Variants in EYS observed in about 807,000 individuals in gnomAD.
EYS encodes the protein EGF-like photoreceptor maintenance factor, also known as protein eyes shut homolog.
Under a neutral mutation model 282.1 loss-of-function variants are expected in EYS, and 250 were observed. That is an observed-to-expected ratio of 0.89 (90% CI 0.80 to 0.98). The LOEUF (loss-of-function observed/expected upper bound fraction) is 0.98, where lower values mean the gene tolerates loss of function less well. Ranked by LOEUF, EYS falls within the 50% of genes least tolerant of loss-of-function variation. The pLI, the probability that EYS is intolerant of heterozygous loss-of-function variation, is 0.00. For missense variants in EYS, 4,016 were observed against 3,709.0 expected (o/e 1.08, Z -2.15); for synonymous variants, 1,355 against 1,282.9 (o/e 1.06, Z -1.20).
At chr6:64,012,928 A>G (rs1736926817) in intron 33 of EYS, among the ~76,000 whole-genome samples, 1 of 152,142 alleles carries the variant, frequency 6.6e-6, no homozygotes, top group African/African-American at 2.4e-5. Flanking sequence ...GCTTTGTATA[A>G]AAAGCGCTCC....
intron 36 of EYS, among the ~76,000 whole-genome samples, chr6:63,817,809 G>T (rs1277665834): frequency 6.6e-6 from 1 of 152,180 alleles, no homozygotes; most frequent in Non-Finnish European, 1.5e-5. Context: ...CCCTGCAGTT[G>T]GTTGGATTCT....
chr6:64,708,135 AAC>A (rs1369715125), intron 22 of EYS, among the ~76,000 whole-genome samples: 1 of 152,232 alleles, frequency 6.6e-6, no homozygotes, highest in Admixed American at 6.5e-5. Flanking sequence ...AGATGTGAGT[AAC>A]ACGTATGCAG....
Position 64,175,252 on chromosome 6 carries a change from CAATA to C in EYS, c.6424+55336_6424+55339del, listed in dbSNP as rs1457889381. On this transcript the variant is annotated intron_variant, in intron 31 of 42. Coordinates refer to ENST00000503581, the MANE Select transcript of EYS (RefSeq NM_001142800.2). Reference sequence around the variant, plus strand: ...TATTATTAATTTACATTGATTTATTCAATAAATAAATAGTTATTTAATATCTCCT... The same window carrying C: ...TATTATTAATTTACATTGATTTATTCAATAAATAGTTATTTAATATCTCCT... Among the ~76,000 whole-genome samples, 3 of 152,156 alleles carry C rather than the reference CAATA, an allele frequency of 2.0e-5. No individual in the cohort carries two copies. The East Asian group carries it at 5.8e-4, about 29-fold the overall frequency.
intron 30 of EYS, among the ~76,000 whole-genome samples, chr6:64,267,693 T>C (rs1767807348): frequency 1.3e-5 from 2 of 152,124 alleles, no homozygotes; most frequent in Admixed American, 1.3e-4. Context: ...AAAACTTTAA[T>C]TTCTGTTTTG....
At chr6:63,734,059 G>C (rs59064329) in intron 41 of EYS, among the ~76,000 whole-genome samples, 5,908 of 152,230 alleles carry the variant, frequency 0.039, 398 homozygotes, top group African/African-American at 0.13. Flanking sequence ...TCATAAGTGG[G>C]AGCTAAACAT....
chr6:64,746,365 A>G (rs1772555843), intron 22 of EYS, among the ~76,000 whole-genome samples: 1 of 152,000 alleles, frequency 6.6e-6, no homozygotes, highest in Non-Finnish European at 1.5e-5. Flanking sequence ...GCCCTTCACC[A>G]TGAGATAATG....
chr6:65,211,841 ACT>A (rs1766183766), intron 12 of EYS, among the ~76,000 whole-genome samples: 1 of 151,980 alleles, frequency 6.6e-6, no homozygotes, highest in Non-Finnish European at 1.5e-5. Context: ...CTATTAATTC[ACT>A]CTGTCTTCCA....
intron 7 of EYS, among the ~76,000 whole-genome samples, chr6:65,399,138 T>C (rs1478306287): frequency 6.6e-6 from 1 of 152,014 alleles, no homozygotes; most frequent in South Asian, 2.1e-4. Flanking sequence ...ACACCTACAC[T>C]CTATTTAATA....
chr6:64,878,678 C>T (rs1168596455), intron 19 of EYS, among the ~76,000 whole-genome samples: 1 of 147,010 alleles, frequency 6.8e-6, no homozygotes, highest in African/African-American at 2.5e-5. Context: ...TCTTTAAGCA[C>T]ATGCATTTTT....
chr6:65,485,369 C>A (rs73447210), intron 5 of EYS, among the ~76,000 whole-genome samples: 3 of 152,200 alleles, frequency 2.0e-5, no homozygotes, highest in African/African-American at 7.2e-5. Context: ...CTGTGAAGCA[C>A]GTCTTTTCAT....
rs568300895 is a variant in EYS, at chr6:65,663,693, A to T, written c.-447-23801T>A. ...AAAATCTTTATTTATTTATTTATTT[A>T]TTTTTTGAGACGGAGTCTCGCTCTC... On this transcript the variant is annotated intron_variant, in intron 1 of 42. Transcript: ENST00000503581. Among the ~76,000 whole-genome samples, 98 of 151,770 alleles carry T rather than the reference A, an allele frequency of 6.5e-4. 1 individual carries two copies. Among genetic ancestry groups the T allele is most frequent in the African/African-American group, 2.0e-3 (82 of 41,430 alleles).
intron 26 of EYS, among the ~76,000 whole-genome samples, chr6:64,577,912 G>A (rs140945192): frequency 1.7e-3 from 263 of 152,198 alleles, no homozygotes; most frequent in Admixed American, 3.3e-3. Flanking sequence ...GGCTTAAGAT[G>A]CTTCTCTCTG....
At chr6:64,817,239 A>G (rs1356595955) in intron 21 of EYS, among the ~76,000 whole-genome samples, 1 of 152,142 alleles carries the variant, frequency 6.6e-6, no homozygotes, top group Admixed American at 6.6e-5. Context: ...GAATGAGAAG[A>G]ACTTGTTAAA....
intron 22 of EYS, among the ~76,000 whole-genome samples, chr6:64,660,790 A>G (rs1768981383): frequency 1.3e-5 from 2 of 152,226 alleles, no homozygotes; most frequent in African/African-American, 2.4e-5. Flanking sequence ...AAGAATCAAT[A>G]TCATGAAAAT....
chr6:65,197,370 C>G (rs964097733), intron 12 of EYS, among the ~76,000 whole-genome samples: 15 of 151,784 alleles, frequency 9.9e-5, no homozygotes, highest in Non-Finnish European at 2.2e-4. Context: ...ACCAGAGTAA[C>G]TAAAAAGAGA....
chr6:64,509,050 G>A (rs1777303776), intron 26 of EYS, among the ~76,000 whole-genome samples: 1 of 151,942 alleles, frequency 6.6e-6, no homozygotes, highest in Non-Finnish European at 1.5e-5. Context: ...CTTACTAAAA[G>A]AGGATGGAAC....
In EYS at chr6:64,066,469, C is replaced by A; in HGVS notation, c.6594G>T (p.Lys2198Asn). ...CCACAAGAAATAAATGAAGAAACTGCTTTCCACAATTATTCCCATTACCTT... is the reference window on the plus strand; with the variant it reads ...CCACAAGAAATAAATGAAGAAACTGATTTCCACAATTATTCCCATTACCTT... ...ILYSNGNNCG[K>N]QFLHLFLVEG... The change falls in exon 33 of 43, where the codon AAG becomes AAT. Residue 2198 changes from lysine to asparagine, a missense_variant. Physicochemically the swap from Lys to Asn is moderately conservative, Grantham distance 94 (BLOSUM62 0). Coordinates refer to ENST00000503581, the MANE Select transcript of EYS (RefSeq NM_001142800.2). The A allele has an allele frequency of 6.5e-7, 1 of 1,543,302 alleles. No homozygotes were observed. The highest frequency in any genetic ancestry group is 1.2e-5 in the South Asian group (1 of 83,762).
chr6:65,666,880 A>C (rs956252193), intron 1 of EYS, among the ~76,000 whole-genome samples: 8 of 150,828 alleles, frequency 5.3e-5, no homozygotes, highest in Admixed American at 3.9e-4. Flanking sequence ...ACATAAAAAT[A>C]ATAAAAATTA....
In EYS at chr6:65,443,445, C is replaced by CAT. The variant is rs200270035; in HGVS notation, c.863-38080_863-38079dup. ...ATGTACATATATGTACACATATAGC[C>CAT]ATATGTACATATACGCCATACACAT... On this transcript the variant is annotated intron_variant, in intron 5 of 42. Coordinates refer to ENST00000503581, the MANE Select transcript of EYS (RefSeq NM_001142800.2). Among the ~76,000 whole-genome samples the CAT allele has an allele frequency of 4.8e-4, 67 of 141,004 alleles. 5 individuals are homozygous for CAT. Among genetic ancestry groups the CAT allele is most frequent in the East Asian group, 6.3e-4 (3 of 4,734 alleles). The allele number at this position is 141,004 out of a possible 152,430, so 92.5% of individuals were successfully genotyped here.
Sources: allele counts gnomAD v4.1 joint callset (sites outside exome capture counted in the v4.1 genomes callset), GRCh38; gene constraint gnomAD v4.1.1; transcripts MANE v1.5; gene names NCBI Gene and HGNC (gene_info 2026-07-23, HGNC 2026-07-21).